The following NR5A2 variants were observed in gnomAD, a reference collection of about 807,000 sequenced individuals.
The protein encoded by NR5A2 is CYP7A promoter-binding factor.
In NR5A2, 26 loss-of-function variants were observed where a neutral mutation model predicts 62.7. That is an observed-to-expected ratio of 0.41 (90% CI 0.30 to 0.58). The LOEUF is 0.58. Among genes scored for constraint, NR5A2 ranks in the 20% least tolerant of loss-of-function variants. The pLI, the probability that NR5A2 is intolerant of heterozygous loss-of-function variation, is 0.22. For missense variants in NR5A2, 541 were observed against 669.1 expected (o/e 0.81, Z 2.11); for synonymous variants, 246 against 241.7 (o/e 1.02, Z -0.16).
chr1:200,174,309 C>T lies in NR5A2; in HGVS notation c.*99C>T. The T allele has an allele frequency of 7.9e-7, 1 of 1,259,550 alleles. No individual in the cohort carries two copies. Among genetic ancestry groups the T allele is most frequent in the Admixed American group, 2.9e-5 (1 of 34,702 alleles). The allele number at this position is 1,259,550 out of a possible 1,614,324, so 78.0% of individuals were successfully genotyped here. On this transcript the variant is annotated 3_prime_UTR_variant, in exon 8 of 8. Transcript: ENST00000367362. ...AAGAAAAAAAGTACTCTGAACTGCT[C>T]CAAGTAACGCTAATTAAAAACTTGC...
intron 5 of NR5A2, among the ~76,000 whole-genome samples, chr1:200,065,590 TA>T (rs1663431283): frequency 1.3e-5 from 2 of 152,242 alleles, no homozygotes; most frequent in African/African-American, 4.8e-5. Flanking sequence ...ACTAGCTTTT[TA>T]AAATTACATA....
intron 5 of NR5A2, among the ~76,000 whole-genome samples, chr1:200,105,039 A>G (rs999147441): frequency 4.0e-5 from 6 of 151,848 alleles, no homozygotes; most frequent in Admixed American, 1.3e-4. Context: ...GCTTACTGCA[A>G]TCTTTACCTG....
chr1:200,038,032 C>T (rs901157421), intron 1 of NR5A2, among the ~76,000 whole-genome samples: 12 of 152,228 alleles, frequency 7.9e-5, no homozygotes, highest in Non-Finnish European at 1.8e-4. Context: ...ATAATTACTT[C>T]GTTGCACAGC....
chr1:200,056,981 G>A (rs1662942760), intron 5 of NR5A2, among the ~76,000 whole-genome samples: 1 of 152,168 alleles, frequency 6.6e-6, no homozygotes, highest in African/African-American at 2.4e-5. Flanking sequence ...GCAAACTGAG[G>A]CTTAAGCCTC....
chr1:200,107,709 G>C (rs1422769185), intron 5 of NR5A2, among the ~76,000 whole-genome samples: 1 of 152,008 alleles, frequency 6.6e-6, no homozygotes, highest in Non-Finnish European at 1.5e-5. Context: ...ACACGATCTC[G>C]GCTCACTGCA....
At chr1:200,114,104 AC>A (rs1267121259) in intron 6 of NR5A2, among the ~76,000 whole-genome samples, 2 of 152,014 alleles carry the variant, frequency 1.3e-5, no homozygotes, top group Admixed American at 1.3e-4. Flanking sequence ...AATCGCTTGA[AC>A]CCGGGAGGCA....
Position 200,170,632 on chromosome 1 carries a change from T to G in NR5A2, c.1379-3331T>G, listed in dbSNP as rs140000436. 8.1e-3 allele frequency among the ~76,000 whole-genome samples: 1,239 copies of G among 152,276 alleles called. 3 individuals are homozygous for G. The highest frequency in any genetic ancestry group is 0.02 in the South Asian group (95 of 4,822). On this transcript the variant is annotated intron_variant, in intron 7 of 7. Coordinates refer to ENST00000367362, the MANE Select transcript of NR5A2 (RefSeq NM_205860.3). ...ATCCAGGGTCTACCTGTCTGTCAGGTCCAGTCCGCAGCATCCCAGGGACTG... is the reference window on the plus strand; with the variant it reads ...ATCCAGGGTCTACCTGTCTGTCAGGGCCAGTCCGCAGCATCCCAGGGACTG...
chr1:200,107,231 T>TA (rs760026282), intron 5 of NR5A2, among the ~76,000 whole-genome samples: 2 of 151,946 alleles, frequency 1.3e-5, no homozygotes, highest in Non-Finnish European at 2.9e-5. Flanking sequence ...ATGCACAAGA[T>TA]ACACAGAAAA....
intron 5 of NR5A2, among the ~76,000 whole-genome samples, chr1:200,051,937 CACAA>C (rs1662652915): frequency 6.6e-6 from 1 of 152,084 alleles, no homozygotes; most frequent in Admixed American, 6.6e-5. Context: ...CACAGAGATG[CACAA>C]ACATACAAAC....
chr1:200,162,720 T>C (rs926205170), intron 7 of NR5A2, among the ~76,000 whole-genome samples: 2 of 151,974 alleles, frequency 1.3e-5, no homozygotes, highest in African/African-American at 4.8e-5. Context: ...GATGGCTGGA[T>C]TGGAAAAGAA....
At chr1:200,074,421 A>G (rs917864014) in intron 5 of NR5A2, among the ~76,000 whole-genome samples, 5 of 151,606 alleles carry the variant, frequency 3.3e-5, no homozygotes, top group Middle Eastern at 3.2e-3. Flanking sequence ...AAAAAAGAAA[A>G]AAAAACAAGA....
chr1:200,136,281 C>T (rs1667214921), intron 7 of NR5A2, among the ~76,000 whole-genome samples: 1 of 151,780 alleles, frequency 6.6e-6, no homozygotes, highest in African/African-American at 2.4e-5. Flanking sequence ...TGCAGTGGTG[C>T]AATCTCTGCT....
intron 7 of NR5A2, among the ~76,000 whole-genome samples, chr1:200,134,648 TG>T (rs1667136383): frequency 6.6e-6 from 1 of 152,210 alleles, no homozygotes; most frequent in South Asian, 2.1e-4. Context: ...ATATAAGAAT[TG>T]ATAGCACACC....
chr1:200,040,320 G>C (rs563065875), intron 2 of NR5A2, among the ~76,000 whole-genome samples: 52 of 152,296 alleles, frequency 3.4e-4, no homozygotes, highest in African/African-American at 1.2e-3. Flanking sequence ...CAGCCAGCTC[G>C]GATTTGGACA....
At chr1:200,087,252 ACAC>A (rs1664596149) in intron 5 of NR5A2, among the ~76,000 whole-genome samples, 1 of 151,828 alleles carries the variant, frequency 6.6e-6, no homozygotes, top group Non-Finnish European at 1.5e-5. Context: ...ACACACACAC[ACAC>A]ACACACACAC....
rs148908450 is a variant in NR5A2 at position 200,156,974 on chromosome 1, G to A, written c.1379-16989G>A. Among the ~76,000 whole-genome samples, 643 of 152,142 alleles carry A rather than the reference G, an allele frequency of 4.2e-3. 3 individuals carry two copies. Among genetic ancestry groups the A allele is most frequent in the African/African-American group, 0.015 (620 of 41,494 alleles). On this transcript the variant is annotated intron_variant, in intron 7 of 7. Transcript: ENST00000367362. Reference sequence around the variant, plus strand: ...ATATTGCCGACATCTTAACAGAGCCGCTCTCTGTATATGCTGACTGATACA... The same window carrying A: ...ATATTGCCGACATCTTAACAGAGCCACTCTCTGTATATGCTGACTGATACA...
At chr1:200,044,980 TAAA>T (rs3838446) in intron 3 of NR5A2, among the ~76,000 whole-genome samples, 1 of 142,970 alleles carries the variant, frequency 7.0e-6, no homozygotes, top group African/African-American at 2.6e-5. Context: ...TGACATTTGT[TAAA>T]AAAAAAAAAA....
intron 1 of NR5A2, among the ~76,000 whole-genome samples, chr1:200,038,994 C>T (rs890990892): frequency 2.0e-5 from 3 of 152,008 alleles, no homozygotes; most frequent in African/African-American, 7.2e-5. Flanking sequence ...TACTTACCTC[C>T]TTCTCCCCCT....
intron 7 of NR5A2, among the ~76,000 whole-genome samples, chr1:200,127,691 A>ATAT (rs1472764291): frequency 4.4e-5 from 3 of 68,580 alleles, no homozygotes; most frequent in Non-Finnish European, 9.4e-5. Context: ...AAAAAAAAAA[A>ATAT]AAAAAAAAAA....
Sources: gnomAD v4.1 joint callset for allele counts (sites outside exome capture counted in the v4.1 genomes callset) on GRCh38, gnomAD v4.1.1 for gene constraint, MANE v1.5 for transcripts, NCBI Gene and HGNC (gene_info 2026-07-23, HGNC 2026-07-21) for gene names.